TKTL1: variants seen among roughly 807,000 people sequenced by gnomAD.
TKTL1 encodes transketolase like 1, also known as transketolase-like protein 1.
A neutral mutation model predicts 39.3 loss-of-function variants in TKTL1; 1 was observed. The observed-to-expected ratio is 0.03, with a 90% CI of 0.01 to 0.12. TKTL1 has a LOEUF of 0.12. Among genes scored for constraint, TKTL1 ranks in the 10% least tolerant of loss-of-function variants. TKTL1 has a pLI of 1.00. For missense variants in TKTL1, 575 were observed against 509.6 expected (o/e 1.13, Z -1.24); for synonymous variants, 262 against 193.8 (o/e 1.35, Z -2.92).
chrX:154,310,615 G>C (rs1319243389), intron 3 of TKTL1, among the ~76,000 whole-genome samples: 3 of 112,381 alleles, frequency 2.7e-5, no homozygotes, highest in African/African-American at 9.7e-5. Flanking sequence ...AGCTAGAACA[G>C]AAAACTAGCC....
intron 12 of TKTL1, among the ~76,000 whole-genome samples, chrX:154,328,414 T>C (rs2067509854): frequency 9.5e-6 from 1 of 105,128 alleles, no homozygotes; most frequent in Non-Finnish European, 2.0e-5. Context: ...GGTGTGGTGG[T>C]GCATGCCTGT....
intron 1 of TKTL1, among the ~76,000 whole-genome samples, chrX:154,297,232 T>C (rs1166081213): frequency 1.9e-5 from 2 of 107,951 alleles, no homozygotes; most frequent in African/African-American, 3.5e-5. Flanking sequence ...ATAAGGGATA[T>C]TGGTCTACAG....
intron 6 of TKTL1, among the ~76,000 whole-genome samples, chrX:154,314,618 G>A (rs1236715790): frequency 1.8e-5 from 2 of 110,752 alleles, no homozygotes; most frequent in African/African-American, 3.3e-5. Context: ...CTCTGCCCCC[G>A]GATTCAAGCG....
intron 7 of TKTL1, chrX:154,320,286 T>C (rs782800661): frequency 8.3e-5 from 10 of 120,116 alleles, no homozygotes; most frequent in Non-Finnish European, 1.4e-4. Flanking sequence ...TTGAGAAGTT[T>C]GCTGCGAAGG....
At chrX:154,322,123 C>T (rs2067455861) in intron 8 of TKTL1, among the ~76,000 whole-genome samples, 1 of 106,908 alleles carries the variant, frequency 9.4e-6, no homozygotes, top group South Asian at 4.2e-4. Flanking sequence ...ATTCCAGCTA[C>T]TCAGGACGCT....
rs151187522 is a variant in TKTL1 at position 154,305,374 on chromosome X, C to G, written c.205C>G (p.Gln69Glu). The G allele has an allele frequency of 1.7e-6, 2 of 1,208,705 alleles. No homozygotes were observed. The highest frequency in any genetic ancestry group is 3.5e-5 in the African/African-American group (2 of 57,157). ...GTTCTTCTACATCATGAGGTACAAG[C>G]AGTCAGATCCAGAGAATCCGGACAA... Reference protein sequence around the residue: ...VLFFYIMRYKQSDPENPDNDR... With the variant: ...VLFFYIMRYKESDPENPDNDR... Residue 69 changes from glutamine (Q) to glutamate (E), a missense_variant, in exon 2 of 13, where the codon CAG (glutamine) becomes GAG (glutamate). Gln to Glu is a conservative substitution (Grantham distance 29). Transcript: ENST00000369915.
intron 1 of TKTL1, among the ~76,000 whole-genome samples, chrX:154,301,374 G>C (rs1266478604): frequency 1.8e-5 from 2 of 110,062 alleles, no homozygotes; most frequent in African/African-American, 6.6e-5. Context: ...AAAATTAGCC[G>C]GGCGTGGTGG....
intron 1 of TKTL1, among the ~76,000 whole-genome samples, chrX:154,303,229 T>C (rs1161967041): frequency 2.0e-5 from 2 of 98,028 alleles, no homozygotes; most frequent in Non-Finnish European, 4.1e-5. Context: ...TTATTTATTT[T>C]GAGGCAGGGT....
At chrX:154,325,257 A>T in intron 9 of TKTL1, 82 bp from the exon 10 acceptor site, 1 of 925,062 alleles carries the variant, frequency 1.1e-6, no homozygotes, top group Non-Finnish European at 1.6e-6. Flanking sequence ...TCCTCTTCAC[A>T]CCCCTCCTTC....
At chrX:154,317,362 G>A (rs1557169565) in intron 7 of TKTL1, among the ~76,000 whole-genome samples, 4 of 111,615 alleles carry the variant, frequency 3.6e-5, no homozygotes, top group South Asian at 3.8e-4. Context: ...CTCAGGTGAC[G>A]AGGGGTCAGC....
chrX:154,327,503 G>A (rs2067501848), intron 10 of TKTL1, 88 bp from the exon 11 acceptor site: 9 of 785,134 alleles, frequency 1.1e-5, no homozygotes, highest in Non-Finnish European at 1.4e-5. Flanking sequence ...TAGAATTGGG[G>A]GATAGCGGCA....
chrX:154,301,533 A>T (rs1388443572), intron 1 of TKTL1, among the ~76,000 whole-genome samples: 1 of 111,743 alleles, frequency 8.9e-6, no homozygotes, highest in Non-Finnish European at 1.9e-5. Context: ...TAAATAAATA[A>T]ATCTTGCTCC....
chrX:154,321,836 G>C (rs1196682911), intron 8 of TKTL1, among the ~76,000 whole-genome samples: 1 of 108,790 alleles, frequency 9.2e-6, no homozygotes, highest in Non-Finnish European at 1.9e-5. Flanking sequence ...AGTCACGGCT[G>C]TCTGGGTGAA....
chrX:154,296,608 G>A (rs1387354262), intron 1 of TKTL1, among the ~76,000 whole-genome samples: 2 of 111,674 alleles, frequency 1.8e-5, no homozygotes, highest in Non-Finnish European at 3.8e-5. Context: ...TGCAGTTGAT[G>A]GTTTTTGCAT....
chrX:154,319,361 C>T (rs1179154192), intron 7 of TKTL1, among the ~76,000 whole-genome samples: 3 of 112,357 alleles, frequency 2.7e-5, no homozygotes, highest in Non-Finnish European at 3.8e-5. Flanking sequence ...GGAGGTTCTG[C>T]ACTCCAGGAT....
chrX:154,308,815 A>G (rs1371572340), intron 2 of TKTL1, among the ~76,000 whole-genome samples: 1 of 110,245 alleles, frequency 9.1e-6, no homozygotes, highest in Non-Finnish European at 1.9e-5. Flanking sequence ...GCACTTCTAG[A>G]TGAGCACGTG....
At chrX:154,309,813 C>T (rs1186539591) in intron 3 of TKTL1, among the ~76,000 whole-genome samples, 2 of 111,431 alleles carry the variant, frequency 1.8e-5, no homozygotes, top group African/African-American at 6.5e-5. Flanking sequence ...CGGCTCACTG[C>T]AACCTCTGCC....
intron 12 of TKTL1, 83 bp downstream of exon 12, chrX:154,328,041 C>T (rs2067506648): frequency 1.8e-6 from 2 of 1,103,247 alleles, no homozygotes; most frequent in East Asian, 6.0e-5. Context: ...TCTCAGGCAT[C>T]ACCTATAGTC....
rs1557171272 is a variant in TKTL1, at chrX:154,323,278, T to A, written c.1258T>A (p.Phe420Ile). 2 of 1,211,903 alleles carry A rather than the reference T, an allele frequency of 1.7e-6. No individual in the cohort carries two copies. Among genetic ancestry groups the A allele is most frequent in the Non-Finnish European group, 2.2e-6 (2 of 895,438 alleles). Residue 420 changes from phenylalanine (F) to isoleucine (I), a missense_variant, in exon 9 of 13, where the codon TTC (phenylalanine) becomes ATC (isoleucine). Transcript: ENST00000369915. ...MFRTIPKCTIFYPTDAVSTEH... is the reference protein window; with the variant it reads ...MFRTIPKCTIIYPTDAVSTEH... ...CCGAACCATTCCCAAGTGCACGATC[T>A]TCTACCCAACTGATGCCGTCTCCAC...
Sources: gnomAD v4.1 joint callset for allele counts (sites outside exome capture counted in the v4.1 genomes callset) on GRCh38, gnomAD v4.1.1 for gene constraint, MANE v1.5 for transcripts, NCBI Gene and HGNC (gene_info 2026-07-23, HGNC 2026-07-21) for gene names.